CIT: variants seen among roughly 807,000 people sequenced by gnomAD.
The protein encoded by CIT is citron Rho-interacting kinase.
In CIT, 79 loss-of-function variants were observed where a neutral mutation model predicts 272.7. That is an observed-to-expected ratio of 0.29 (90% CI 0.24 to 0.35). The LOEUF (loss-of-function observed/expected upper bound fraction) is 0.35, where lower values mean the gene tolerates loss of function less well. CIT is among the 10% of genes least tolerant of loss of function. The probability of loss-of-function intolerance (pLI) is 1.00; values close to 1 mark genes in which losing one functional copy is unlikely to be tolerated. For synonymous variants in CIT, 948 were observed against 995.6 expected (o/e 0.95, Z 0.90); for missense variants, 1,909 against 2,618.3 (o/e 0.73, Z 5.91).
chr12:119,777,646 G>A (rs1007385534), intron 13 of CIT, among the ~76,000 whole-genome samples: 1 of 151,394 alleles, frequency 6.6e-6, no homozygotes, highest in Non-Finnish European at 1.5e-5. Context: ...CTCCAGCCTG[G>A]GTGACAGAGC....
chr12:119,845,071 G>A (rs913188224), intron 5 of CIT, among the ~76,000 whole-genome samples: 2 of 152,066 alleles, frequency 1.3e-5, no homozygotes, highest in Non-Finnish European at 2.9e-5. Context: ...ACTGAGCCGA[G>A]ATTGCGCCAC....
intron 9 of CIT, among the ~76,000 whole-genome samples, chr12:119,819,283 A>G (rs1967477441): frequency 6.6e-6 from 1 of 152,200 alleles, no homozygotes; most frequent in South Asian, 2.1e-4. Flanking sequence ...TGCTGGAAGA[A>G]TAAGTATCCT....
Position 119,688,175 on chromosome 12 carries a change from G to C in CIT, c.*57C>G. Reference sequence around the variant, plus strand: ...GGGTCCCCATCAGCAGAGTTCCATAGTGTGTTTGGTGTTTTCCTGCAGATC... The same window carrying C: ...GGGTCCCCATCAGCAGAGTTCCATACTGTGTTTGGTGTTTTCCTGCAGATC... On this transcript the variant is annotated 3_prime_UTR_variant, in exon 48 of 48. Transcript: ENST00000392521. The C allele has an allele frequency of 6.4e-7, 1 of 1,574,264 alleles. No homozygotes were observed. Among genetic ancestry groups the C allele is most frequent in the Non-Finnish European group, 8.7e-7 (1 of 1,143,744 alleles).
intron 22 of CIT, among the ~76,000 whole-genome samples, chr12:119,756,216 C>G (rs1057120237): frequency 7.2e-5 from 11 of 152,274 alleles, no homozygotes; most frequent in African/African-American, 2.6e-4. Context: ...AGAAGGAGGG[C>G]CTGGGGTCTA....
At chr12:119,754,424 C>T (rs1350097964) in intron 22 of CIT, among the ~76,000 whole-genome samples, 2 of 152,212 alleles carry the variant, frequency 1.3e-5, no homozygotes, top group South Asian at 4.1e-4. Context: ...GCAGAGTGGA[C>T]CTCTACTAGC....
chr12:119,838,256 A>G (rs1450339572), intron 5 of CIT, among the ~76,000 whole-genome samples: 1 of 152,034 alleles, frequency 6.6e-6, no homozygotes, highest in African/African-American at 2.4e-5. Flanking sequence ...TATTTTTAGT[A>G]GAGACAGGAT....
At chr12:119,813,147 C>A (rs1966872178) in intron 9 of CIT, among the ~76,000 whole-genome samples, 2 of 152,168 alleles carry the variant, frequency 1.3e-5, no homozygotes, top group Admixed American at 6.5e-5. Flanking sequence ...TGGGTGCTTG[C>A]CCTGCCAAGA....
chr12:119,787,647 C>T (rs1277412493), intron 10 of CIT, among the ~76,000 whole-genome samples: 1 of 143,102 alleles, frequency 7.0e-6, no homozygotes, highest in East Asian at 2.1e-4. Context: ...AGGAGAATGG[C>T]ATGAACCCGG....
At chr12:119,799,270 G>C (rs1335898054) in intron 10 of CIT, among the ~76,000 whole-genome samples, 1 of 152,146 alleles carries the variant, frequency 6.6e-6, no homozygotes, top group Non-Finnish European at 1.5e-5. Flanking sequence ...TAACAACAGT[G>C]AACATTTACC....
At chr12:119,855,253 T>G (rs1332471642) in intron 4 of CIT, among the ~76,000 whole-genome samples, 2 of 151,890 alleles carry the variant, frequency 1.3e-5, no homozygotes, top group African/African-American at 4.8e-5. Context: ...AAACCCCGTC[T>G]CTACTAAAAT....
chr12:119,732,754 C>T (rs1958532099), intron 26 of CIT, among the ~76,000 whole-genome samples: 1 of 152,134 alleles, frequency 6.6e-6, no homozygotes. Flanking sequence ...CAGACTAATT[C>T]ATTGATCGAT....
chr12:119,701,761 G>A lies in CIT; in HGVS notation c.5414-9C>T, dbSNP rs780327471. The A allele has an allele frequency of 6.2e-7, 1 of 1,614,256 alleles. No homozygotes were observed. Among genetic ancestry groups the A allele is most frequent in the Non-Finnish European group, 8.5e-7 (1 of 1,180,046 alleles). ...ATTCTTATCCAGGAATTCTGTAAAG[G>A]CAGGCGAGAAGCGGGGCTTCAGGAG... On this transcript the variant is annotated splice_polypyrimidine_tract_variant and intron_variant, in intron 42 of 47. Coordinates refer to ENST00000392521, the MANE Select transcript of CIT (RefSeq NM_001206999.2).
intron 26 of CIT, among the ~76,000 whole-genome samples, chr12:119,733,632 G>C (rs1294196076): frequency 6.6e-6 from 1 of 152,060 alleles, no homozygotes; most frequent in East Asian, 1.9e-4. Flanking sequence ...GCAATGTCTA[G>C]AGACATATTT....
intron 20 of CIT, among the ~76,000 whole-genome samples, chr12:119,760,405 T>C (rs1352326593): frequency 6.6e-6 from 1 of 151,914 alleles, no homozygotes; most frequent in African/African-American, 2.4e-5. Flanking sequence ...GATGGGAGGA[T>C]TGCTTGAGGC....
intron 39 of CIT, among the ~76,000 whole-genome samples, chr12:119,708,850 G>T (rs1157808642): frequency 6.6e-6 from 1 of 152,160 alleles, no homozygotes; most frequent in Non-Finnish European, 1.5e-5. Context: ...TCTGAGGAGG[G>T]TGGAATTCTG....
At chr12:119,870,738 G>C (rs1950649082) in intron 2 of CIT, among the ~76,000 whole-genome samples, 1 of 151,988 alleles carries the variant, frequency 6.6e-6, no homozygotes. Flanking sequence ...ATTGTCTTTA[G>C]CTGCTTTTGT....
chr12:119,767,809 A>T (rs982352375), intron 18 of CIT, among the ~76,000 whole-genome samples: 1 of 152,184 alleles, frequency 6.6e-6, no homozygotes, highest in African/African-American at 2.4e-5. Flanking sequence ...GATAATAATG[A>T]CATAAAAATG....
intron 24 of CIT, among the ~76,000 whole-genome samples, chr12:119,737,774 C>T (rs933102953): frequency 1.3e-5 from 2 of 152,076 alleles, no homozygotes; most frequent in Admixed American, 6.5e-5. Context: ...TTGTAAAGTA[C>T]CCATGCCGAG....
At chr12:119,757,281 G>A (rs1323639678) in intron 22 of CIT, 90 bp downstream of exon 22, 2 of 1,491,808 alleles carry the variant, frequency 1.3e-6, no homozygotes, top group Non-Finnish European at 1.8e-6. Flanking sequence ...AATGTCTCTT[G>A]TATAGATATT....
Sources: allele counts gnomAD v4.1 joint callset (sites outside exome capture counted in the v4.1 genomes callset), GRCh38; gene constraint gnomAD v4.1.1; transcripts MANE v1.5; gene names NCBI Gene and HGNC (gene_info 2026-07-23, HGNC 2026-07-21).